The following CNTN5 variants were observed in gnomAD, a reference collection of about 807,000 sequenced individuals.
CNTN5 encodes the protein contactin-5.
A neutral mutation model predicts 129.1 loss-of-function variants in CNTN5; 77 were observed. The ratio of observed to expected loss-of-function variants is 0.60; its 90% confidence interval spans 0.50 to 0.72. CNTN5 has a LOEUF of 0.72. CNTN5 is among the 30% of genes least tolerant of loss of function. CNTN5 has a pLI of 0.00. For synonymous variants in CNTN5, 509 were observed against 465.6 expected, an observed-to-expected ratio of 1.09 and a Z score of -1.20; for missense variants, 1,478 against 1,328.8, an observed-to-expected ratio of 1.11 and a Z score of -1.75.
At chr11:100,041,733 A>G (rs1314706602) in intron 9 of CNTN5, among the ~76,000 whole-genome samples, 1 of 152,250 alleles carries the variant, frequency 6.6e-6, no homozygotes, top group Non-Finnish European at 1.5e-5. Context: ...AGAAAAGATT[A>G]TAATTGTTTT....
intron 2 of CNTN5, among the ~76,000 whole-genome samples, chr11:99,336,477 A>T (rs1396038792): frequency 1.3e-5 from 2 of 152,196 alleles, no homozygotes. Context: ...TAGAAATATT[A>T]TTGTGAAATA....
chr11:99,383,878 T>C (rs1416952922), intron 2 of CNTN5, among the ~76,000 whole-genome samples: 1 of 152,164 alleles, frequency 6.6e-6, no homozygotes, highest in Non-Finnish European at 1.5e-5. Flanking sequence ...GACTGCTGGG[T>C]ACAGCACTGC....
rs370388529 is a variant in CNTN5 at position 99,036,214 on chromosome 11, A to G, written c.-210+14944A>G. Among the ~76,000 whole-genome samples the G allele has an allele frequency of 3.7e-4, 56 of 152,180 alleles. No homozygotes were observed. The East Asian group carries it at 5.6e-3, about 15-fold the overall frequency. ...GTTGCTTGGATAAATATTAATTTAG[A>G]AGGAAGAAATGACCTAGTGTTCTCA... On this transcript the variant is annotated intron_variant, in intron 1 of 24. Transcript: ENST00000524871.
rs1456814708 is a variant in CNTN5, at chr11:100,061,212, C to A, written c.981C>A (p.Asn327Lys). 1 of 1,606,142 alleles carries A rather than the reference C, an allele frequency of 6.2e-7. No individual in the cohort carries two copies. The highest frequency in any genetic ancestry group is 8.5e-7 in the Non-Finnish European group (1 of 1,173,682). The change falls in exon 10 of 25, where the codon AAC (asparagine) becomes AAA (lysine). Residue 327 changes from asparagine (N) to lysine (K), a missense_variant and splice_region_variant. Physicochemically the swap from Asn to Lys is moderately conservative, Grantham distance 94 (BLOSUM62 0). Coordinates refer to ENST00000524871, the MANE Select transcript of CNTN5 (RefSeq NM_014361.4). ...ACAGTATTTTTGTTCCCTATCGTAG[C>A]CCCGTTCCAACAATCACATGGATGA... ...TVKMECFALG[N>K]PVPTITWMKV... is the part of the protein sequence containing the mutation.
chr11:99,981,576 G>A (rs538097110), intron 8 of CNTN5, among the ~76,000 whole-genome samples: 3 of 152,158 alleles, frequency 2.0e-5, no homozygotes, highest in East Asian at 1.9e-4. Context: ...GCTTTACCAC[G>A]TTTCTTGGTA....
chr11:99,420,378 C>T (rs1942835281), intron 2 of CNTN5, among the ~76,000 whole-genome samples: 2 of 152,126 alleles, frequency 1.3e-5, no homozygotes, highest in South Asian at 4.2e-4. Flanking sequence ...TGCATGCAAG[C>T]CCTGGGATTT....
At chr11:99,595,089 G>A (rs959517728) in intron 3 of CNTN5, among the ~76,000 whole-genome samples, 1 of 152,146 alleles carries the variant, frequency 6.6e-6, no homozygotes, top group Non-Finnish European at 1.5e-5. Flanking sequence ...CCAGAAGAGG[G>A]TGGTCAATGG....
intron 3 of CNTN5, among the ~76,000 whole-genome samples, chr11:99,654,519 G>A (rs749514039): frequency 6.6e-6 from 1 of 152,046 alleles, no homozygotes; most frequent in Admixed American, 6.6e-5. Flanking sequence ...TGGTCCTTCA[G>A]AAATCACATT....
intron 13 of CNTN5, among the ~76,000 whole-genome samples, chr11:100,087,747 C>G (rs982464775): frequency 6.6e-5 from 10 of 151,846 alleles, no homozygotes; most frequent in African/African-American, 2.2e-4. Context: ...TTTAAAAATT[C>G]TGGACTTAAC....
intron 3 of CNTN5, among the ~76,000 whole-genome samples, chr11:99,597,602 G>A (rs1315904975): frequency 2.6e-5 from 4 of 152,028 alleles, no homozygotes; most frequent in South Asian, 4.2e-4. Flanking sequence ...CCTGTTTTCC[G>A]GTACTGGTTA....
At chr11:100,111,203 C>T (rs983793314) in intron 13 of CNTN5, among the ~76,000 whole-genome samples, 3 of 152,048 alleles carry the variant, frequency 2.0e-5, no homozygotes, top group African/African-American at 7.2e-5. Context: ...GTTAGACTAA[C>T]CTTTTTCCAC....
chr11:99,705,467 G>A (rs1954714191), intron 3 of CNTN5, among the ~76,000 whole-genome samples: 1 of 151,338 alleles, frequency 6.6e-6, no homozygotes, highest in African/African-American at 2.4e-5. Context: ...AGAGGTGATT[G>A]TGTGTATACT....
At chr11:99,786,137 G>T (rs879955305) in intron 3 of CNTN5, among the ~76,000 whole-genome samples, 1 of 152,102 alleles carries the variant, frequency 6.6e-6, no homozygotes, top group East Asian at 1.9e-4. Context: ...TCCTTAAGCT[G>T]ATAAGCAACT....
intron 2 of CNTN5, among the ~76,000 whole-genome samples, chr11:99,485,060 G>A (rs1316090616): frequency 6.6e-6 from 1 of 152,076 alleles, no homozygotes; most frequent in Non-Finnish European, 1.5e-5. Flanking sequence ...TAGCTAGAAG[G>A]AGGATATTGA....
chr11:99,329,928 C>T (rs1851647979), intron 2 of CNTN5, among the ~76,000 whole-genome samples: 1 of 133,248 alleles, frequency 7.5e-6, no homozygotes, highest in Admixed American at 7.1e-5. Flanking sequence ...CACACACACA[C>T]ACACACACAC....
At position 99,814,700 on chromosome 11, in the gene CNTN5, AAG is replaced by A. The variant is rs1382556473; in HGVS notation, c.56-4839_56-4838del. ...AGTTGAGGAAATGAGAGCAGGGTGA[AAG>A]AGAGTGAAAGAGTGTTAGGATCAGT... On this transcript the variant is annotated intron_variant, in intron 3 of 24. Coordinates refer to ENST00000524871, the MANE Select transcript of CNTN5 (RefSeq NM_014361.4). 2.0e-5 allele frequency among the ~76,000 whole-genome samples: 3 copies of A among 152,112 alleles called. No individual in the cohort carries two copies. The East Asian group carries it at 5.8e-4, about 29-fold the overall frequency.
At chr11:99,984,344 A>G (rs1938538504) in intron 8 of CNTN5, among the ~76,000 whole-genome samples, 1 of 151,976 alleles carries the variant, frequency 6.6e-6, no homozygotes, top group African/African-American at 2.4e-5. Context: ...AGAAAAGAAA[A>G]TGAGAAAAGG....
intron 15 of CNTN5, among the ~76,000 whole-genome samples, chr11:100,195,993 A>G (rs140136731): frequency 2.8e-3 from 420 of 152,060 alleles, no homozygotes; most frequent in African/African-American, 9.5e-3. Flanking sequence ...GAGACCAAGG[A>G]CAGACTGTGG....
chr11:99,138,964 G>C (rs894112524), intron 1 of CNTN5, among the ~76,000 whole-genome samples: 3 of 152,058 alleles, frequency 2.0e-5, no homozygotes, highest in Non-Finnish European at 2.9e-5. Context: ...CAGCTAGCTG[G>C]GTGCAGTAGC....
Sources: allele counts gnomAD v4.1 joint callset (sites outside exome capture counted in the v4.1 genomes callset), GRCh38; gene constraint gnomAD v4.1.1; transcripts MANE v1.5; gene names NCBI Gene and HGNC (gene_info 2026-07-23, HGNC 2026-07-21).